PTPN9: variants seen among roughly 807,000 people sequenced by gnomAD.
PTPN9 encodes the protein tyrosine-protein phosphatase non-receptor type 9.
Under a neutral mutation model 69.8 loss-of-function variants are expected in PTPN9, and 26 were observed. That is an observed-to-expected ratio of 0.37 (90% CI 0.27 to 0.52). The LOEUF is 0.52. Among genes scored for constraint, PTPN9 ranks in the 20% least tolerant of loss-of-function variants. The pLI is 0.91. For synonymous variants in PTPN9, 274 were observed against 272.5 expected (o/e 1.01, Z -0.05); for missense variants, 549 against 740.3 (o/e 0.74, Z 3.00).
At chr15:75,524,777 C>CAAAA (rs10699634) in intron 2 of PTPN9, among the ~76,000 whole-genome samples, 128 of 72,690 alleles carry the variant, frequency 1.8e-3, no homozygotes, top group Middle Eastern at 0.012. Flanking sequence ...GACTCTGTCT[C>CAAAA]AAAAAAAAAA....
chr15:75,530,700 AAT>A (rs1254344038), intron 1 of PTPN9, among the ~76,000 whole-genome samples: 4 of 30,760 alleles, frequency 1.3e-4, no homozygotes, highest in Admixed American at 6.4e-4. Flanking sequence ...TAATATATAT[AAT>A]ATATATTATT....
intron 1 of PTPN9, among the ~76,000 whole-genome samples, chr15:75,558,763 G>A (rs535976593): frequency 3.9e-5 from 6 of 152,246 alleles, no homozygotes; most frequent in East Asian, 1.9e-4. Context: ...GCTCCTAACC[G>A]CGAGTGATCT....
At chr15:75,527,668 C>A (rs2141322562) in intron 1 of PTPN9, among the ~76,000 whole-genome samples, 1 of 152,216 alleles carries the variant, frequency 6.6e-6, no homozygotes, top group South Asian at 2.1e-4. Flanking sequence ...GCCTGACCAA[C>A]ATGGTGAAAC....
At chr15:75,504,420 G>A (rs1390271347) in intron 7 of PTPN9, among the ~76,000 whole-genome samples, 7 of 133,334 alleles carry the variant, frequency 5.2e-5, no homozygotes, top group South Asian at 2.4e-4. Flanking sequence ...CGACCCGTCC[G>A]GGAGGGAGGT....
chr15:75,549,978 C>T (rs969825286), intron 1 of PTPN9, among the ~76,000 whole-genome samples: 1 of 151,652 alleles, frequency 6.6e-6, no homozygotes, highest in African/African-American at 2.4e-5. Flanking sequence ...TTGTCTACCC[C>T]CACCCCCACC....
Position 75,465,624 on chromosome 15 carries a change from T to A in PTPN9, c.*3145A>T, listed in dbSNP as rs1228687106. The A allele has an allele frequency of 6.6e-6, 1 of 152,188 alleles. No homozygotes were observed. Among genetic ancestry groups the A allele is most frequent in the Non-Finnish European group, 1.5e-5 (1 of 68,046 alleles). 9.4% of individuals were successfully genotyped at this position (152,188 alleles called of 1,614,324 possible). A position where few individuals can be genotyped will look rare whatever the true frequency, so the allele number is the denominator to read the frequency against. ...TTAGGAGACATCAATTTGTTAACTC[T>A]CTATAGGGTCAGAAACATGAACTAA... On this transcript the variant is annotated 3_prime_UTR_variant, in exon 13 of 13. Coordinates refer to ENST00000618819, the MANE Select transcript of PTPN9 (RefSeq NM_002833.4).
At chr15:75,481,835 G>GA (rs1567470133) in intron 8 of PTPN9, among the ~76,000 whole-genome samples, 1 of 134,388 alleles carries the variant, frequency 7.4e-6, no homozygotes, top group East Asian at 2.3e-4. Context: ...GGAGGTGGGG[G>GA]GGGGTCAGCG....
intron 7 of PTPN9, among the ~76,000 whole-genome samples, chr15:75,504,225 C>A (rs1224644513): frequency 8.1e-6 from 1 of 122,814 alleles, no homozygotes; most frequent in South Asian, 2.6e-4. Flanking sequence ...GTCAGCCCCC[C>A]GCCCGGCCAG....
In PTPN9 at chr15:75,552,017, G is replaced by A. The variant is rs867848046; in HGVS notation, c.64-24756C>T. ...AGATTTCACCATTGCACTCCAGCCCGGGTGACAGAGTGAGACTCCATCTCA... is the reference window on the plus strand; with the variant it reads ...AGATTTCACCATTGCACTCCAGCCCAGGTGACAGAGTGAGACTCCATCTCA... On this transcript the variant is annotated intron_variant, in intron 1 of 12. Coordinates refer to ENST00000618819, the MANE Select transcript of PTPN9 (RefSeq NM_002833.4). Among the ~76,000 whole-genome samples the A allele has an allele frequency of 9.3e-5, 14 of 151,090 alleles. No individual in the cohort carries two copies. In the South Asian group the frequency reaches 1.7e-3, roughly 18 times the overall value.
chr15:75,572,352 A>G (rs2075151839), intron 1 of PTPN9, among the ~76,000 whole-genome samples: 1 of 152,072 alleles, frequency 6.6e-6, no homozygotes, highest in Admixed American at 6.6e-5. Context: ...ACATAATGAC[A>G]ATGAAGATTA....
intron 1 of PTPN9, among the ~76,000 whole-genome samples, chr15:75,577,078 T>A (rs1364418648): frequency 6.6e-6 from 1 of 152,188 alleles, no homozygotes; most frequent in Non-Finnish European, 1.5e-5. Context: ...GCCCATCACA[T>A]TCAATTCAGG....
rs1444589805 is a variant in PTPN9 at position 75,498,253 on chromosome 15, CA to C, written c.968+7421del. 2.6e-5 allele frequency among the ~76,000 whole-genome samples: 4 copies of C among 151,800 alleles called. No individual in the cohort carries two copies. The South Asian group carries it at 8.3e-4, about 32-fold the overall frequency. On this transcript the variant is annotated intron_variant, in intron 7 of 12. Transcript: ENST00000618819. The stretch of plus-strand genomic sequence containing the variant: ...TACGAATATGCCTAGTGAATAAAAC[CA>C]ATCCTAAAAGATTACATACAGTATG...
chr15:75,516,303 C>CTTT (rs750940118), intron 5 of PTPN9, among the ~76,000 whole-genome samples: 7 of 132,544 alleles, frequency 5.3e-5, no homozygotes, highest in Non-Finnish European at 9.7e-5. Context: ...TATGTTTCTT[C>CTTT]TTTTTTTTTT....
intron 7 of PTPN9, among the ~76,000 whole-genome samples, chr15:75,504,398 C>A (rs1482822635): frequency 7.8e-6 from 1 of 128,164 alleles, no homozygotes; most frequent in Non-Finnish European, 1.7e-5. Context: ...CTCAGCCCCC[C>A]GCCCGGCCAG....
intron 7 of PTPN9, among the ~76,000 whole-genome samples, chr15:75,497,535 T>G (rs1490057592): frequency 2.6e-5 from 4 of 152,082 alleles, no homozygotes; most frequent in Admixed American, 1.3e-4. Flanking sequence ...GTGTGGGGGC[T>G]CATGCCTGTA....
chr15:75,556,315 G>A (rs552927484), intron 1 of PTPN9, among the ~76,000 whole-genome samples: 73 of 151,468 alleles, frequency 4.8e-4, no homozygotes, highest in African/African-American at 1.4e-3. Context: ...CCCCTGCCTC[G>A]GCCTCCCAAA....
chr15:75,497,586 A>G (rs2074749721), intron 7 of PTPN9, among the ~76,000 whole-genome samples: 1 of 152,098 alleles, frequency 6.6e-6, no homozygotes, highest in Non-Finnish European at 1.5e-5. Flanking sequence ...GGATCACCTG[A>G]CGTGAGGAGC....
At chr15:75,521,088 C>T (rs1004195536) in intron 4 of PTPN9, among the ~76,000 whole-genome samples, 2 of 152,020 alleles carry the variant, frequency 1.3e-5, no homozygotes, top group African/African-American at 4.8e-5. Context: ...TGGGCTCAAG[C>T]GATCCTCTCA....
rs145653223 is a variant in PTPN9 at position 75,482,564 on chromosome 15, CAAAAAAAAA to C, written c.1063-2659_1063-2651del. On this transcript the variant is annotated intron_variant, in intron 8 of 12. Transcript: ENST00000618819. ...TGGGCGACAGAGCGAGACTCCGTCT[CAAAAAAAAA>C]AAAAAAAAAAAAAAAAAAGAGTCAT... is the stretch of plus-strand genomic sequence containing the variant. 1.3e-3 allele frequency among the ~76,000 whole-genome samples: 47 copies of C among 35,398 alleles called. 1 individual carries two copies. The highest frequency in any genetic ancestry group is 3.8e-3 in the African/African-American group (38 of 10,012). 23.2% of individuals were successfully genotyped at this position (35,398 alleles called of 152,430 possible).
Sources: allele counts gnomAD v4.1 joint callset (sites outside exome capture counted in the v4.1 genomes callset), GRCh38; gene constraint gnomAD v4.1.1; transcripts MANE v1.5; gene names NCBI Gene and HGNC (gene_info 2026-07-23, HGNC 2026-07-21).